NHSL3: variants seen among roughly 807,000 people sequenced by gnomAD.
The protein encoded by NHSL3 is NHS like 3.
the NHSL3 span, chr1:32,771,950 C>T: frequency 6.2e-7 from 1 of 1,604,796 alleles, no homozygotes; most frequent in Non-Finnish European, 8.5e-7. Flanking sequence ...AGCCCAGTGC[C>T]TGCCCCCTCC....
At chr1:32,770,949 T>TTGC in the NHSL3 span, 1 of 1,563,222 alleles carries the variant, frequency 6.4e-7, no homozygotes, top group Middle Eastern at 1.7e-4. The surrounding 1 kb of genome is among the most constrained non-coding windows in gnomAD (Gnocchi z 8.3). Flanking sequence ...AAAGTGGTAC[T>TTGC]CCCACCCTCC....
chr1:32,769,219 A>C, the NHSL3 span, among the ~76,000 whole-genome samples: 1 of 151,856 alleles, frequency 6.6e-6, no homozygotes. Context: ...GCACCACTGC[A>C]CTCCAGCCTG....
At chr1:32,774,941 T>TAAAG in the NHSL3 span, 1 of 152,598 alleles carries the variant, frequency 6.6e-6, no homozygotes, top group African/African-American at 2.4e-5. Flanking sequence ...GTGTTTCATT[T>TAAAG]AAAGATGTTA....
the NHSL3 span, among the ~76,000 whole-genome samples, chr1:32,759,756 T>A: frequency 6.6e-6 from 1 of 152,138 alleles, no homozygotes; most frequent in Admixed American, 6.5e-5. Context: ...CCCATTAACT[T>A]TCTCAGACTT....
chr1:32,765,674 A>T, the NHSL3 span: 1 of 1,536,976 alleles, frequency 6.5e-7, no homozygotes, highest in South Asian at 1.2e-5. Flanking sequence ...GAGGGCTCGC[A>T]TCCCCATAGT....
At chr1:32,771,764 G>A in the NHSL3 span, 6 of 1,613,730 alleles carry the variant, frequency 3.7e-6, no homozygotes, top group Non-Finnish European at 5.1e-6. Context: ...GAACCGGTGG[G>A]CTGTAGCAAG....
chr1:32,754,658 AACTGC>A, the NHSL3 span, among the ~76,000 whole-genome samples: 1 of 152,234 alleles, frequency 6.6e-6, no homozygotes, highest in South Asian at 2.1e-4. Context: ...ACAGGTTCAT[AACTGC>A]ACAACCAACC....
chr1:32,764,195 T>C, the NHSL3 span, among the ~76,000 whole-genome samples: 2 of 152,048 alleles, frequency 1.3e-5, no homozygotes, highest in African/African-American at 2.4e-5. Flanking sequence ...CTTGACAACC[T>C]AACTAAACCA....
chr1:32,754,141 A>G, the NHSL3 span: 43 of 711,392 alleles, frequency 6.0e-5, no homozygotes, highest in East Asian at 1.2e-3. Flanking sequence ...CCGGGTCCGC[A>G]GCTTCTGGCG....
At chr1:32,764,214 G>A in the NHSL3 span, among the ~76,000 whole-genome samples, 1 of 89,824 alleles carries the variant, frequency 1.1e-5, no homozygotes, top group East Asian at 3.0e-4. Context: ...CACTCTCCCC[G>A]CCCCCCGGCC....
At chr1:32,771,791 G>T in the NHSL3 span, 1 of 1,613,356 alleles carries the variant, frequency 6.2e-7, no homozygotes. Flanking sequence ...GGGCCTCCCA[G>T]GGAGGACGTA....
At chr1:32,761,300 C>T in the NHSL3 span, among the ~76,000 whole-genome samples, 1 of 152,180 alleles carries the variant, frequency 6.6e-6, no homozygotes, top group African/African-American at 2.4e-5. Context: ...CCCAAGCGAG[C>T]CACAGGTGTA....
chr1:32,754,255 C>T, the NHSL3 span: 2 of 668,646 alleles, frequency 3.0e-6, no homozygotes, highest in Non-Finnish European at 5.5e-6. Context: ...CTGCTGCCCC[C>T]TCCCGGGGCT....
the NHSL3 span, among the ~76,000 whole-genome samples, chr1:32,750,805 C>CTTCCCCACCATTTTCTAAGAGGGTCA: frequency 1.3e-5 from 2 of 150,512 alleles, no homozygotes; most frequent in East Asian, 3.9e-4. Flanking sequence ...AGCGCCCGGC[C>CTTCCCCACCATTTTCTAAGAGGGTCA]CCTTTTATTT....
chr1:32,758,135 C>T, the NHSL3 span, among the ~76,000 whole-genome samples: 11 of 152,116 alleles, frequency 7.2e-5, no homozygotes, highest in East Asian at 1.9e-4. Context: ...TGTAACCTGC[C>T]GGGATTGTTT....
At chr1:32,772,081 T>C in the NHSL3 span, 1 of 1,612,920 alleles carries the variant, frequency 6.2e-7, no homozygotes, top group African/African-American at 1.3e-5. Context: ...GTCCCCTGCC[T>C]CAACGGCCAG....
the NHSL3 span, among the ~76,000 whole-genome samples, chr1:32,742,449 G>C: frequency 1.3e-5 from 2 of 152,382 alleles, no homozygotes; most frequent in Middle Eastern, 6.8e-3. Flanking sequence ...AGGAAGTGCT[G>C]GTAGCCCGAC....
chr1:32,748,235 C>T, the NHSL3 span, among the ~76,000 whole-genome samples: 1 of 152,118 alleles, frequency 6.6e-6, no homozygotes, highest in African/African-American at 2.4e-5. Context: ...ACTGAGACCA[C>T]GCCACTGTAC....
chr1:32,769,501 T>C, the NHSL3 span, among the ~76,000 whole-genome samples: 32 of 152,372 alleles, frequency 2.1e-4, no homozygotes, highest in East Asian at 6.0e-3. Flanking sequence ...ATTGACTTAG[T>C]AGCCTTAGTC....
Sources: gnomAD v4.1 joint callset for allele counts (sites outside exome capture counted in the v4.1 genomes callset) on GRCh38, gnomAD v4.1.1 for gene constraint, Gnocchi (gnomAD v3.1) non-coding constraint, MANE v1.5 for transcripts, NCBI Gene and HGNC (gene_info 2026-07-23, HGNC 2026-07-21) for gene names.